COG2: variants seen among roughly 807,000 people sequenced by gnomAD.
COG2 encodes the protein conserved oligomeric Golgi complex subunit 2.
Under a neutral mutation model 90.6 loss-of-function variants are expected in COG2, and 52 were observed. That is an observed-to-expected ratio of 0.57 (90% CI 0.46 to 0.72). COG2 has a LOEUF of 0.72. Ranked by LOEUF, COG2 falls within the 30% of genes least tolerant of loss-of-function variation. The probability of loss-of-function intolerance (pLI) is 0.00; values close to 1 mark genes in which losing one functional copy is unlikely to be tolerated. For missense variants in COG2, 829 were observed against 891.2 expected (o/e 0.93, Z 0.89); for synonymous variants, 337 against 320.4 (o/e 1.05, Z -0.55).
chr1:230,662,436 T>C (rs1271218883), intron 3 of COG2, among the ~76,000 whole-genome samples: 1 of 152,242 alleles, frequency 6.6e-6, no homozygotes, highest in Non-Finnish European at 1.5e-5. Flanking sequence ...TTCTCCAGTT[T>C]ATTCTAGTTT....
At chr1:230,656,281 T>C (rs1047010419) in intron 1 of COG2, among the ~76,000 whole-genome samples, 14 of 152,194 alleles carry the variant, frequency 9.2e-5, no homozygotes, top group Admixed American at 7.2e-4. Context: ...CCTTTACATG[T>C]GTCCCGGAGA....
At chr1:230,674,274 A>G (rs1158030812) in intron 8 of COG2, among the ~76,000 whole-genome samples, 1 of 152,214 alleles carries the variant, frequency 6.6e-6, no homozygotes, top group Non-Finnish European at 1.5e-5. Flanking sequence ...TTAAAGATGA[A>G]GAAACCAAGC....
At chr1:230,656,770 G>A (rs1220145923) in intron 1 of COG2, among the ~76,000 whole-genome samples, 1 of 152,098 alleles carries the variant, frequency 6.6e-6, no homozygotes, top group East Asian at 1.9e-4. Context: ...CCTGTATTGG[G>A]TGCATATATA....
At chr1:230,643,773 A>G (rs192151535) in intron 1 of COG2, among the ~76,000 whole-genome samples, 1 of 152,276 alleles carries the variant, frequency 6.6e-6, no homozygotes, top group East Asian at 1.9e-4. Context: ...TTCCTATTAG[A>G]CCACTGTACT....
In COG2 at chr1:230,685,099, T is replaced by C. The variant is rs144465132; in HGVS notation, c.1243T>C (p.Cys415Arg). Residue 415 changes from cysteine (C) to arginine (R), a missense_variant, in exon 12 of 18, where the codon TGC becomes CGC. Cys to Arg is a radical substitution (Grantham distance 180). Transcript: ENST00000366669. ...LEDAPAESPY[C>R]LLASHRTWSS... is the part of the protein sequence containing the mutation. ...TTTTTCTCTAGCTGAAAGTCCGTAT[T>C]GCCTTTTGGCTTCTCATAGAACTTG... 2 of 1,614,144 alleles carry C rather than the reference T, an allele frequency of 1.2e-6. No homozygotes were observed. Among genetic ancestry groups the C allele is most frequent in the Non-Finnish European group, 1.7e-6 (2 of 1,180,014 alleles).
At chr1:230,676,436 C>T (rs12045973) in intron 9 of COG2, among the ~76,000 whole-genome samples, 19,694 of 152,156 alleles carry the variant, frequency 0.13, 1,740 homozygotes, top group Admixed American at 0.2. Flanking sequence ...TTTATGTTCT[C>T]GAGCCTTCTC....
At chr1:230,654,254 C>G (rs764698852) in intron 1 of COG2, among the ~76,000 whole-genome samples, 6 of 152,126 alleles carry the variant, frequency 3.9e-5, no homozygotes, top group Non-Finnish European at 8.8e-5. Flanking sequence ...TTAGGTCTTA[C>G]GTTTAAGTCT....
chr1:230,657,928 ATTC>A (rs1044905530), intron 1 of COG2, among the ~76,000 whole-genome samples: 34 of 151,918 alleles, frequency 2.2e-4, no homozygotes, highest in African/African-American at 8.2e-4. Flanking sequence ...GGTCATTTAT[ATTC>A]TTCTCCAAAC....
chr1:230,687,290 G>A (rs192941229), intron 13 of COG2, among the ~76,000 whole-genome samples, 158 bp downstream of exon 13: 1 of 152,298 alleles, frequency 6.6e-6, no homozygotes, highest in Non-Finnish European at 1.5e-5. Flanking sequence ...CCCTTTCTAG[G>A]TGTCTCTCCA....
rs1663104969 is a variant in COG2 at position 230,693,885 on chromosome 1, T to A, written c.*492T>A. The A allele has an allele frequency of 6.6e-6, 1 of 152,234 alleles. No homozygotes were observed. The highest frequency in any genetic ancestry group is 1.5e-5 in the Non-Finnish European group (1 of 68,040). 9.4% of individuals were successfully genotyped at this position (152,234 alleles called of 1,614,324 possible). On this transcript the variant is annotated 3_prime_UTR_variant, in exon 18 of 18. Coordinates refer to ENST00000366669, the MANE Select transcript of COG2 (RefSeq NM_007357.3). Reference sequence around the variant, plus strand: ...AGCCATCCTCCACTCCCACTGTGTGTGAGAGCAGTGCTTCTGATCCTGCTG... The same window carrying A: ...AGCCATCCTCCACTCCCACTGTGTGAGAGAGCAGTGCTTCTGATCCTGCTG...
At chr1:230,684,236 C>T (rs920870181) in intron 11 of COG2, 1 of 152,250 alleles carries the variant, frequency 6.6e-6, no homozygotes, top group Non-Finnish European at 1.5e-5. Context: ...GGGATATGGC[C>T]CCTTGGTGTG....
At chr1:230,672,327 G>C (rs1662467547) in intron 8 of COG2, among the ~76,000 whole-genome samples, 1 of 152,146 alleles carries the variant, frequency 6.6e-6, no homozygotes, top group African/African-American at 2.4e-5. Context: ...GGCCCTTTTT[G>C]TTCTTGCCTG....
chr1:230,655,156 G>C (rs1187221162), intron 1 of COG2, among the ~76,000 whole-genome samples: 4 of 152,162 alleles, frequency 2.6e-5, no homozygotes, highest in Non-Finnish European at 5.9e-5. Context: ...GGTGAGAAGA[G>C]GGCATCCCTG....
At chr1:230,676,249 C>T (rs1662589679) in intron 9 of COG2, among the ~76,000 whole-genome samples, 1 of 151,946 alleles carries the variant, frequency 6.6e-6, no homozygotes. Context: ...CCCTTATTTC[C>T]TTCCTCCCAT....
intron 10 of COG2, chr1:230,680,308 C>T (rs773341660): frequency 6.6e-5 from 10 of 152,070 alleles, no homozygotes; most frequent in Non-Finnish European, 1.2e-4. Context: ...CTTTAGTTAT[C>T]TAATGCTGTC....
At chr1:230,679,458 A>C (rs1334772713) in intron 10 of COG2, 1 of 154,774 alleles carries the variant, frequency 6.5e-6, no homozygotes. Context: ...CTCGTCTGAG[A>C]TACTTTTCCC....
At chr1:230,690,981 G>A (rs1308332226) in intron 16 of COG2, among the ~76,000 whole-genome samples, 1 of 152,126 alleles carries the variant, frequency 6.6e-6, no homozygotes, top group Non-Finnish European at 1.5e-5. Flanking sequence ...TCCTAGAACT[G>A]ATTGGAAATG....
intron 9 of COG2, among the ~76,000 whole-genome samples, chr1:230,676,231 G>A (rs1213337555): frequency 6.6e-6 from 1 of 151,990 alleles, no homozygotes; most frequent in African/African-American, 2.4e-5. Context: ...CTTTGTTCCA[G>A]TTTTCTTCCC....
Position 230,644,978 on chromosome 1 carries a change from T to G in COG2, c.72+2300T>G, listed in dbSNP as rs543005587. On this transcript the variant is annotated intron_variant, in intron 1 of 17. Coordinates refer to ENST00000366669, the MANE Select transcript of COG2 (RefSeq NM_007357.3). ...AGGAGTGGCAGATGAACGAATCACTTGAGGGGTCAAAGGTGGTAATGGCAT... is the reference window on the plus strand; with the variant it reads ...AGGAGTGGCAGATGAACGAATCACTGGAGGGGTCAAAGGTGGTAATGGCAT... Among the ~76,000 whole-genome samples the G allele has an allele frequency of 2.0e-5, 3 of 152,206 alleles. No homozygotes were observed. In the East Asian group the frequency reaches 5.8e-4, roughly 29 times the overall value.
Sources: allele counts gnomAD v4.1 joint callset (sites outside exome capture counted in the v4.1 genomes callset), GRCh38; gene constraint gnomAD v4.1.1; transcripts MANE v1.5; gene names NCBI Gene and HGNC (gene_info 2026-07-23, HGNC 2026-07-21).